Variants in THSD7A observed in about 807,000 individuals in gnomAD.
THSD7A encodes thrombospondin type 1 domain containing 7A.
THSD7A carries 96 observed loss-of-function variants against 231.3 expected under a neutral mutation model. The ratio of observed to expected loss-of-function variants is 0.41; its 90% CI spans 0.35 to 0.49. The LOEUF is 0.49. Ranked by LOEUF, THSD7A falls within the 20% of genes least tolerant of loss-of-function variation. The pLI, the probability that THSD7A is intolerant of heterozygous loss-of-function variation, is 0.05. For missense variants in THSD7A, 2,290 were observed against 2,070.2 expected (o/e 1.11, Z -2.06); for synonymous variants, 940 against 743.3 (o/e 1.26, Z -4.30).
At chr7:11,787,224 T>A (rs1783820133) in intron 1 of THSD7A, among the ~76,000 whole-genome samples, 1 of 151,936 alleles carries the variant, frequency 6.6e-6, no homozygotes, top group African/African-American at 2.4e-5. Flanking sequence ...AAATATATAA[T>A]CTAGACACAG....
At chr7:11,734,550 C>T (rs1246757298) in intron 1 of THSD7A, among the ~76,000 whole-genome samples, 1 of 151,892 alleles carries the variant, frequency 6.6e-6, no homozygotes, top group Admixed American at 6.6e-5. Context: ...AAATTAGCAC[C>T]TCCATAATTA....
At chr7:11,565,201 T>C (rs1244355634) in intron 4 of THSD7A, among the ~76,000 whole-genome samples, 5 of 152,226 alleles carry the variant, frequency 3.3e-5, no homozygotes, top group African/African-American at 1.2e-4. Context: ...GTCTGGAATA[T>C]GTATGTTATC....
chr7:11,460,518 C>A (rs1021601164), intron 11 of THSD7A, 144 bp downstream of exon 11: 8 of 537,356 alleles, frequency 1.5e-5, no homozygotes, highest in East Asian at 3.2e-5. Context: ...GTTTCTATGT[C>A]CTGATGTTTT....
chr7:11,798,799 T>A (rs1476954122), intron 1 of THSD7A, among the ~76,000 whole-genome samples: 1 of 152,210 alleles, frequency 6.6e-6, no homozygotes, highest in Non-Finnish European at 1.5e-5. Flanking sequence ...TCATATTTTT[T>A]AGAAAACAGT....
At chr7:11,793,916 T>C (rs915700025) in intron 1 of THSD7A, among the ~76,000 whole-genome samples, 4 of 151,904 alleles carry the variant, frequency 2.6e-5, no homozygotes, top group African/African-American at 9.7e-5. Flanking sequence ...TATACATATG[T>C]ATTTTCAATC....
chr7:11,729,147 A>C (rs1417066923), intron 1 of THSD7A, among the ~76,000 whole-genome samples: 1 of 151,842 alleles, frequency 6.6e-6, no homozygotes, highest in Non-Finnish European at 1.5e-5. Flanking sequence ...ACGTTGCTGA[A>C]GAGACAGAAG....
At chr7:11,776,988 T>A (rs1189167000) in intron 1 of THSD7A, among the ~76,000 whole-genome samples, 1 of 152,200 alleles carries the variant, frequency 6.6e-6, no homozygotes, top group African/African-American at 2.4e-5. Flanking sequence ...CGTTTGTTCA[T>A]TTACTCGTTT....
intron 2 of THSD7A, among the ~76,000 whole-genome samples, chr7:11,620,367 A>C (rs528885812): frequency 5.9e-5 from 9 of 152,220 alleles, no homozygotes; most frequent in Non-Finnish European, 1.0e-4. Flanking sequence ...ATTTAATTAC[A>C]TGTAGAAGAA....
At position 11,419,087 on chromosome 7, in the gene THSD7A, T is replaced by C. The variant is rs908758616; in HGVS notation, c.3384-1484A>G. 7.2e-5 allele frequency among the ~76,000 whole-genome samples: 11 copies of C among 152,298 alleles called. 1 individual carries two copies. The highest frequency in any genetic ancestry group is 6.5e-4 in the Admixed American group (10 of 15,298). On this transcript the variant is annotated intron_variant, in intron 16 of 27. Transcript: ENST00000423059. ...TAAGAATATATTACATTTGAGTAGGTGGTGTCACTATATGCAAGGATTAAC... is the reference window on the plus strand; with the variant it reads ...TAAGAATATATTACATTTGAGTAGGCGGTGTCACTATATGCAAGGATTAAC...
At chr7:11,809,708 A>G (rs536894243) in intron 1 of THSD7A, among the ~76,000 whole-genome samples, 1 of 152,266 alleles carries the variant, frequency 6.6e-6, no homozygotes, top group Non-Finnish European at 1.5e-5. Flanking sequence ...GTAATTTTGG[A>G]ACTAGCTTAC....
At position 11,373,219 on chromosome 7, in the gene THSD7A, C is replaced by A. The variant is rs1782128941; in HGVS notation, c.*2575G>T. 1 of 152,036 alleles carries A rather than the reference C, an allele frequency of 6.6e-6. No homozygotes were observed. The highest frequency in any genetic ancestry group is 1.9e-4 in the East Asian group (1 of 5,176). The allele number at this position is 152,036 out of a possible 1,614,324, so 9.4% of individuals were successfully genotyped here. The stretch of plus-strand genomic sequence containing the variant: ...ATACTAATCTTTTCTGAATTAATGA[C>A]ATTTTACAATACCTTAAATATAGCT... On this transcript the variant is annotated 3_prime_UTR_variant, in exon 28 of 28. Coordinates refer to ENST00000423059, the MANE Select transcript of THSD7A (RefSeq NM_015204.3).
intron 2 of THSD7A, among the ~76,000 whole-genome samples, chr7:11,619,052 G>A (rs945580450): frequency 2.0e-5 from 3 of 151,726 alleles, no homozygotes; most frequent in South Asian, 2.1e-4. Context: ...TAAAGAGTAC[G>A]CAATGTTTAA....
In THSD7A at chr7:11,644,792, G is replaced by T. The variant is rs188536542; in HGVS notation, c.191-7831C>A. ...AATTACTTAACCTCTTTGCGTTCTG[G>T]TTTCCTCATTTTAAAAATACGATAT... On this transcript the variant is annotated intron_variant, in intron 1 of 27. Transcript: ENST00000423059. 6.7e-3 allele frequency among the ~76,000 whole-genome samples: 1,019 copies of T among 151,862 alleles called. 13 individuals carry two copies. Among genetic ancestry groups the T allele is most frequent in the African/African-American group, 0.023 (967 of 41,490 alleles).
At position 11,768,541 on chromosome 7, in the gene THSD7A, G is replaced by A. The variant is rs144422077; in HGVS notation, c.190+63216C>T. ...CTTCCCCTTTCTAAGTACTACTGGC[G>A]TATTTAGGTAATTAGCGATGGGTAT... On this transcript the variant is annotated intron_variant, in intron 1 of 27. Transcript: ENST00000423059. Among the ~76,000 whole-genome samples, 587 of 152,154 alleles carry A rather than the reference G, an allele frequency of 3.9e-3. 6 individuals carry two copies. The highest frequency in any genetic ancestry group is 0.013 in the African/African-American group (535 of 41,494).
At position 11,734,607 on chromosome 7, in the gene THSD7A, A is replaced by G. The variant is rs976061050; in HGVS notation, c.190+97150T>C. On this transcript the variant is annotated intron_variant, in intron 1 of 27. Transcript: ENST00000423059. ...TGACATGTCGTATCTCGCTCTCTCA[A>G]ACACCTGTAGTATTCTTTTGTTTTC... Among the ~76,000 whole-genome samples the G allele has an allele frequency of 4.6e-5, 7 of 151,916 alleles. No homozygotes were observed. The East Asian group carries it at 1.4e-3, about 30-fold the overall frequency.
intron 4 of THSD7A, among the ~76,000 whole-genome samples, chr7:11,586,680 T>G (rs1278226323): frequency 6.6e-6 from 1 of 152,186 alleles, no homozygotes; most frequent in Non-Finnish European, 1.5e-5. Context: ...GTAGACAAAA[T>G]ATAGTGATAA....
intron 1 of THSD7A, among the ~76,000 whole-genome samples, chr7:11,763,171 AG>A (rs1782920730): frequency 6.6e-6 from 1 of 152,118 alleles, no homozygotes. Context: ...TTCTTTTCCA[AG>A]TATTCCCTTA....
At chr7:11,420,763 G>A (rs902357487) in intron 16 of THSD7A, among the ~76,000 whole-genome samples, 1 of 152,218 alleles carries the variant, frequency 6.6e-6, no homozygotes, top group African/African-American at 2.4e-5. Flanking sequence ...CATGAAAGCA[G>A]CCTTGGGGGC....
At chr7:11,571,326 T>C (rs1289522679) in intron 4 of THSD7A, among the ~76,000 whole-genome samples, 1 of 152,176 alleles carries the variant, frequency 6.6e-6, no homozygotes, top group African/African-American at 2.4e-5. Flanking sequence ...TCTCATTTAC[T>C]TACTCATTCC....
Sources: allele counts gnomAD v4.1 joint callset (sites outside exome capture counted in the v4.1 genomes callset), GRCh38; gene constraint gnomAD v4.1.1; transcripts MANE v1.5; gene names NCBI Gene and HGNC (gene_info 2026-07-23, HGNC 2026-07-21).